The following GSK3B variants were observed in gnomAD, a reference collection of about 807,000 sequenced individuals.
GSK3B encodes the protein glycogen synthase kinase 3 beta.
In GSK3B, 15 loss-of-function variants were observed where a neutral mutation model predicts 56.4. That is an observed-to-expected ratio of 0.27 (90% CI 0.18 to 0.41). The LOEUF is 0.41. Ranked by LOEUF, GSK3B falls within the 10% of genes least tolerant of loss-of-function variation. The pLI is 1.00. For synonymous variants in GSK3B, 181 were observed against 188.9 expected (o/e 0.96, Z 0.34); for missense variants, 300 against 513.4 (o/e 0.58, Z 4.02).
intron 3 of GSK3B, among the ~76,000 whole-genome samples, chr3:119,932,848 G>A (rs932633633): frequency 2.2e-4 from 33 of 152,262 alleles, no homozygotes; most frequent in Admixed American, 1.6e-3. Context: ...GGTGGCTCAC[G>A]CTTGTAATCC....
At chr3:119,854,950 G>A (rs894686871) in intron 9 of GSK3B, among the ~76,000 whole-genome samples, 1 of 152,002 alleles carries the variant, frequency 6.6e-6, no homozygotes, top group Admixed American at 6.6e-5. Context: ...GTTATTTCTT[G>A]CCTTCTGCTA....
At chr3:120,079,395 T>C (rs1028962914) in intron 1 of GSK3B, among the ~76,000 whole-genome samples, 1 of 150,824 alleles carries the variant, frequency 6.6e-6, no homozygotes, top group Non-Finnish European at 1.5e-5. Flanking sequence ...TAGATACATA[T>C]TAAACATTTT....
intron 2 of GSK3B, among the ~76,000 whole-genome samples, chr3:119,999,921 C>T (rs981477443): frequency 1.4e-4 from 21 of 152,156 alleles, no homozygotes; most frequent in African/African-American, 5.1e-4. Context: ...GCAGGTTTTA[C>T]TTTCTAGACT....
intron 2 of GSK3B, among the ~76,000 whole-genome samples, chr3:119,976,556 GA>G (rs1328927117): frequency 6.6e-6 from 1 of 152,102 alleles, no homozygotes; most frequent in Non-Finnish European, 1.5e-5. Flanking sequence ...CTGGGGGAAG[GA>G]AAGGATAGGG....
intron 1 of GSK3B, among the ~76,000 whole-genome samples, chr3:120,051,977 G>A (rs1319767635): frequency 6.6e-6 from 1 of 152,132 alleles, no homozygotes; most frequent in Non-Finnish European, 1.5e-5. Context: ...ATTCCTGTGT[G>A]GGTTTAGCAG....
intron 1 of GSK3B, among the ~76,000 whole-genome samples, chr3:120,070,284 A>C (rs2058316357): frequency 6.6e-6 from 1 of 152,114 alleles, no homozygotes; most frequent in Non-Finnish European, 1.5e-5. Flanking sequence ...TAAATAAAAA[A>C]AAAAAGAGGA....
chr3:119,911,792 T>C (rs1288277523), intron 6 of GSK3B, among the ~76,000 whole-genome samples: 2 of 152,188 alleles, frequency 1.3e-5, no homozygotes, highest in Non-Finnish European at 2.9e-5. Flanking sequence ...CTTCAGATTT[T>C]TCTTGTGTAG....
chr3:119,967,533 TG>T (rs2057328701), intron 2 of GSK3B, among the ~76,000 whole-genome samples: 1 of 152,164 alleles, frequency 6.6e-6, no homozygotes, highest in African/African-American at 2.4e-5. Flanking sequence ...CAAGACAGTG[TG>T]GTACTGGCAT....
chr3:120,033,271 T>C (rs556447226), intron 1 of GSK3B, among the ~76,000 whole-genome samples: 2 of 152,368 alleles, frequency 1.3e-5, no homozygotes, highest in South Asian at 2.1e-4. Context: ...GGGTTGTTTT[T>C]CTACTTTTAG....
intron 7 of GSK3B, among the ~76,000 whole-genome samples, chr3:119,894,546 T>C (rs535515627): frequency 6.6e-6 from 1 of 152,182 alleles, no homozygotes; most frequent in Non-Finnish European, 1.5e-5. Context: ...TGGCCATTTG[T>C]GTATCTTCTT....
At chr3:119,983,271 C>A (rs764695620) in intron 2 of GSK3B, among the ~76,000 whole-genome samples, 1 of 152,078 alleles carries the variant, frequency 6.6e-6, no homozygotes, top group Non-Finnish European at 1.5e-5. Flanking sequence ...GTAAAGACCA[C>A]TGATGCTATG....
intron 7 of GSK3B, among the ~76,000 whole-genome samples, chr3:119,886,390 C>A (rs1011874471): frequency 3.3e-5 from 5 of 152,020 alleles, no homozygotes; most frequent in African/African-American, 1.2e-4. Flanking sequence ...AAAAAAACAA[C>A]AGATGCTGGT....
At chr3:119,889,662 A>G (rs1040422656) in intron 7 of GSK3B, among the ~76,000 whole-genome samples, 10 of 152,152 alleles carry the variant, frequency 6.6e-5, no homozygotes, top group Admixed American at 1.3e-4. Context: ...GATGAAAGGA[A>G]AACAAATACG....
chr3:119,976,227 A>G (rs2057407375), intron 2 of GSK3B, among the ~76,000 whole-genome samples: 1 of 152,200 alleles, frequency 6.6e-6, no homozygotes, highest in African/African-American at 2.4e-5. Context: ...TCCTAGGAAC[A>G]CACTAAAGAG....
At chr3:120,019,061 T>C (rs1477177991) in intron 1 of GSK3B, among the ~76,000 whole-genome samples, 2 of 152,156 alleles carry the variant, frequency 1.3e-5, no homozygotes, top group Non-Finnish European at 2.9e-5. Flanking sequence ...AAAAAAGGAA[T>C]GTAAAAACCA....
At chr3:119,885,768 C>T (rs1347893010) in intron 7 of GSK3B, among the ~76,000 whole-genome samples, 6 of 151,906 alleles carry the variant, frequency 3.9e-5, no homozygotes, top group African/African-American at 1.4e-4. Context: ...ATCTGATCTT[C>T]GTCACAGTCG....
intron 10 of GSK3B, among the ~76,000 whole-genome samples, chr3:119,831,675 G>C (rs1009614319): frequency 3.3e-5 from 5 of 150,928 alleles, no homozygotes; most frequent in African/African-American, 1.2e-4. Context: ...AAAAAAATAA[G>C]AGAAGAGTGA....
At position 120,093,590 on chromosome 3, in the gene GSK3B, T is replaced by C. The variant is rs1360403790; in HGVS notation, c.-156A>G. On this transcript the variant is annotated 5_prime_UTR_variant, in exon 1 of 11. It adds an upstream start codon to the 5' untranslated region. Coordinates refer to ENST00000264235, the MANE Select transcript of GSK3B (RefSeq NM_001146156.2). ...TCCTCTTGGCTTTTCACTCCTTTTG[T>C]ATACTATAAAAAACAAAACAAGCGA... is the stretch of plus-strand genomic sequence containing the variant. 12 of 567,980 alleles carry C rather than the reference T, an allele frequency of 2.1e-5. No individual in the cohort carries two copies. Among genetic ancestry groups the C allele is most frequent in the Middle Eastern group, 3.4e-4 (1 of 2,910 alleles). 35.2% of individuals were successfully genotyped at this position (567,980 alleles called of 1,614,324 possible).
chr3:119,991,558 G>A lies in GSK3B; in HGVS notation c.282+10488C>T, dbSNP rs368810597. Among the ~76,000 whole-genome samples, 23 of 144,602 alleles carry A rather than the reference G, an allele frequency of 1.6e-4. No homozygotes were observed. The East Asian group carries it at 4.2e-3, about 27-fold the overall frequency. 94.9% of individuals were successfully genotyped at this position (144,602 alleles called of 152,430 possible). A position where few individuals can be genotyped will look rare whatever the true frequency, so the allele number is the denominator to read the frequency against. ...CCTCTCACTGCCATTAGGAGATTTC[G>A]CAGGTTGGTTTATTTAATTGAACAA... On this transcript the variant is annotated intron_variant, in intron 2 of 10. Coordinates refer to ENST00000264235, the MANE Select transcript of GSK3B (RefSeq NM_001146156.2).
Sources: gnomAD v4.1 joint callset for allele counts (sites outside exome capture counted in the v4.1 genomes callset) on GRCh38, gnomAD v4.1.1 for gene constraint, MANE v1.5 for transcripts, NCBI Gene and HGNC (gene_info 2026-07-23, HGNC 2026-07-21) for gene names.